LRP1B: variants seen among roughly 807,000 people sequenced by gnomAD.
LRP1B encodes the protein low-density lipoprotein receptor-related protein 1B.
Under a neutral mutation model 556.6 loss-of-function variants are expected in LRP1B, and 217 were observed. That is an observed-to-expected ratio of 0.39 (90% CI 0.35 to 0.44). LRP1B has a LOEUF of 0.44. Among genes scored for constraint, LRP1B ranks in the 20% least tolerant of loss-of-function variants. LRP1B has a pLI of 1.00. For synonymous variants in LRP1B, 2,047 were observed against 1,865.8 expected (o/e 1.10, Z -2.50); for missense variants, 5,053 against 5,620.8 (o/e 0.90, Z 3.23).
chr2:140,951,991 T>G, intron 18 of LRP1B, 51 bp from the exon 19 acceptor site: 1 of 1,285,854 alleles, frequency 7.8e-7, no homozygotes, highest in Non-Finnish European at 1.1e-6. Flanking sequence ...TGACTGTGCA[T>G]GACATAATTC....
intron 32 of LRP1B, among the ~76,000 whole-genome samples, chr2:140,783,613 GCAATAGGAGGAGGT>G (rs1689778857): frequency 6.6e-6 from 1 of 152,162 alleles, no homozygotes; most frequent in African/African-American, 2.4e-5. Flanking sequence ...ATCTAGACCT[GCAATAGGAGGAGGT>G]CAGATGCAAG....
At chr2:141,578,792 G>A (rs1686852727) in intron 2 of LRP1B, among the ~76,000 whole-genome samples, 1 of 152,168 alleles carries the variant, frequency 6.6e-6, no homozygotes, top group Admixed American at 6.5e-5. Context: ...CCTAGAGACA[G>A]GAAGGAACTT....
chr2:141,094,821 T>A (rs1243173155), intron 7 of LRP1B, among the ~76,000 whole-genome samples: 2 of 152,194 alleles, frequency 1.3e-5, no homozygotes, highest in Non-Finnish European at 2.9e-5. Context: ...AGGATAAAGT[T>A]AAGCTCAGAT....
intron 7 of LRP1B, among the ~76,000 whole-genome samples, chr2:141,178,866 G>A (rs1354204030): frequency 2.6e-5 from 4 of 151,960 alleles, no homozygotes; most frequent in African/African-American, 9.7e-5. Flanking sequence ...TGATAGGCAG[G>A]AGAAAAGCTG....
intron 35 of LRP1B, among the ~76,000 whole-genome samples, chr2:140,747,673 A>C (rs1688363854): frequency 6.6e-6 from 1 of 152,134 alleles, no homozygotes; most frequent in East Asian, 1.9e-4. Context: ...TATGAAAAAT[A>C]ATCAGGTTGG....
intron 1 of LRP1B, among the ~76,000 whole-genome samples, chr2:142,087,049 T>A (rs935969383): frequency 6.6e-6 from 1 of 152,296 alleles, no homozygotes; most frequent in Admixed American, 6.5e-5. Flanking sequence ...TAAAGGTCAG[T>A]TCCCTTGTTG....
chr2:140,979,107 G>A (rs897217804), intron 18 of LRP1B, among the ~76,000 whole-genome samples: 2 of 152,086 alleles, frequency 1.3e-5, no homozygotes, highest in Admixed American at 6.6e-5. Flanking sequence ...AGCCTCTCGA[G>A]TAGCTGGGAT....
At chr2:142,056,561 T>C (rs1704680131) in intron 1 of LRP1B, among the ~76,000 whole-genome samples, 2 of 152,084 alleles carry the variant, frequency 1.3e-5, no homozygotes, top group Non-Finnish European at 2.9e-5. Flanking sequence ...ATAAGCTTTA[T>C]TCTGGACAGG....
chr2:142,105,464 G>A (rs1706714736), intron 1 of LRP1B, among the ~76,000 whole-genome samples: 1 of 151,996 alleles, frequency 6.6e-6, no homozygotes, highest in Admixed American at 6.6e-5. Context: ...ACTCTTACAT[G>A]GCTGTATAGT....
rs1698019594 is a variant in LRP1B, at chr2:141,020,008, C to A, written c.1884G>T (p.Arg628Ser). 2 of 1,611,904 alleles carry A rather than the reference C, an allele frequency of 1.2e-6. No homozygotes were observed. The highest frequency in any genetic ancestry group is 1.7e-6 in the Non-Finnish European group (2 of 1,178,582). ...DGHRKTINVA[R>S]LEKASQSRKT... is the part of the protein sequence containing the mutation. ...TCCGACTCTGAGAAGCTTTTTCCAGCCTGGCCACATTAATGGTTTTCCTAT... is the reference window on the plus strand; with the variant it reads ...TCCGACTCTGAGAAGCTTTTTCCAGACTGGCCACATTAATGGTTTTCCTAT... The change falls in exon 12 of 91, where the codon AGG becomes AGT. Residue 628 changes from arginine to serine, a missense_variant. Physicochemically the swap from Arg to Ser is moderately radical, Grantham distance 110. Coordinates refer to ENST00000389484, the MANE Select transcript of LRP1B (RefSeq NM_018557.3).
At chr2:141,291,380 T>A (rs1306534220) in intron 3 of LRP1B, among the ~76,000 whole-genome samples, 1 of 152,218 alleles carries the variant, frequency 6.6e-6, no homozygotes, top group Non-Finnish European at 1.5e-5. Context: ...ATGTAATTTG[T>A]GTAAAATTTT....
chr2:141,101,239 A>G (rs909454013), intron 7 of LRP1B, among the ~76,000 whole-genome samples: 1 of 152,150 alleles, frequency 6.6e-6, no homozygotes, highest in African/African-American at 2.4e-5. Flanking sequence ...ACTCCATGCC[A>G]TCAAGGGATG....
intron 2 of LRP1B, among the ~76,000 whole-genome samples, chr2:141,491,827 T>A (rs1683345516): frequency 6.6e-6 from 1 of 152,186 alleles, no homozygotes; most frequent in African/African-American, 2.4e-5. Flanking sequence ...TTAAGAGGCA[T>A]TTGTTTTTTT....
intron 41 of LRP1B, among the ~76,000 whole-genome samples, chr2:140,666,301 TACACAC>T (rs56905500): frequency 0.77 from 113,678 of 147,732 alleles, 44,506 homozygotes; most frequent in Non-Finnish European, 0.88. Flanking sequence ...CCATTTATTA[TACACAC>T]ACACACACAC....
intron 1 of LRP1B, among the ~76,000 whole-genome samples, chr2:142,057,793 C>T (rs201522690): frequency 6.6e-6 from 1 of 152,090 alleles, no homozygotes; most frequent in East Asian, 1.9e-4. Context: ...TTTGTTTTCT[C>T]AGTCCTTTAA....
chr2:141,838,310 C>G (rs907411175), intron 1 of LRP1B, among the ~76,000 whole-genome samples: 2 of 152,038 alleles, frequency 1.3e-5, no homozygotes, highest in African/African-American at 2.4e-5. Context: ...GACTCCTGGC[C>G]TATAGAGCCA....
chr2:141,344,807 G>C (rs535316447), intron 3 of LRP1B, among the ~76,000 whole-genome samples: 1 of 152,234 alleles, frequency 6.6e-6, no homozygotes, highest in East Asian at 1.9e-4. Context: ...TCATTTGTGA[G>C]AGACTAGTAT....
chr2:140,965,363 T>C (rs1005216123), intron 18 of LRP1B, among the ~76,000 whole-genome samples: 2 of 152,158 alleles, frequency 1.3e-5, no homozygotes, highest in Non-Finnish European at 2.9e-5. Context: ...AATACCTTTT[T>C]TTTTTTCTAC....
At chr2:142,044,482 C>T (rs368005404) in intron 1 of LRP1B, among the ~76,000 whole-genome samples, 54 of 151,764 alleles carry the variant, frequency 3.6e-4, no homozygotes, top group East Asian at 3.1e-3. Flanking sequence ...GAAAGATGAG[C>T]GCACAGTAGG....
Sources: allele counts gnomAD v4.1 joint callset (sites outside exome capture counted in the v4.1 genomes callset), GRCh38; gene constraint gnomAD v4.1.1; transcripts MANE v1.5; gene names NCBI Gene and HGNC (gene_info 2026-07-23, HGNC 2026-07-21).